The following PDPR variants were observed in gnomAD, a reference collection of about 807,000 sequenced individuals.
PDPR encodes the protein pyruvate dehydrogenase phosphatase regulatory subunit, mitochondrial.
A neutral mutation model predicts 102.2 loss-of-function variants in PDPR; 50 were observed. That is an observed-to-expected ratio of 0.49 (90% confidence interval 0.39 to 0.62). The LOEUF is 0.62. PDPR is among the 20% of genes least tolerant of loss of function. PDPR has a pLI of 0.00. For missense variants in PDPR, 625 were observed against 1,098.2 expected (o/e 0.57, Z 6.09); for synonymous variants, 259 against 406.0 (o/e 0.64, Z 4.35).
chr16:70,145,745 T>C (rs1255701780), intron 15 of PDPR: 1 of 459,194 alleles, frequency 2.2e-6, no homozygotes, highest in South Asian at 1.6e-5. Flanking sequence ...GCTTTCCTTA[T>C]CTAGTAAGCA....
intron 9 of PDPR, among the ~76,000 whole-genome samples, chr16:70,134,797 A>AAT (rs1555524705): frequency 2.2e-3 from 331 of 148,864 alleles, no homozygotes; most frequent in African/African-American, 6.9e-3. Flanking sequence ...AAAAAAAAAA[A>AAT]AATAATAATA....
rs191117183 is a variant in PDPR at position 70,119,928 on chromosome 16, T to G, written c.-32-533T>G. On this transcript the variant is annotated intron_variant, in intron 2 of 18. Coordinates refer to ENST00000288050, the MANE Select transcript of PDPR (RefSeq NM_017990.5). Reference sequence around the variant, plus strand: ...TTTTTTTTTGTTTGTTTGTTTGTTTTTTTTTTGAGACGGAGTCTCGCTCTG... The same window carrying G: ...TTTTTTTTTGTTTGTTTGTTTGTTTGTTTTTTGAGACGGAGTCTCGCTCTG... 8.4e-4 allele frequency among the ~76,000 whole-genome samples: 125 copies of G among 148,194 alleles called. 2 individuals carry two copies. Among genetic ancestry groups the G allele is most frequent in the Middle Eastern group, 3.4e-3 (1 of 294 alleles).
At chr16:70,124,220 G>C (rs1048136473) in intron 3 of PDPR, among the ~76,000 whole-genome samples, 1 of 152,246 alleles carries the variant, frequency 6.6e-6, no homozygotes, top group Non-Finnish European at 1.5e-5. Context: ...AAAATTAGCT[G>C]GGCGTGGTGG....
At chr16:70,117,237 G>A (rs557837759) in intron 2 of PDPR, among the ~76,000 whole-genome samples, 2 of 125,116 alleles carry the variant, frequency 1.6e-5, no homozygotes, top group South Asian at 2.3e-4. Flanking sequence ...ATTATTTGCC[G>A]GTCACAGTGG....
chr16:70,157,183 G>A lies in PDPR; in HGVS notation c.*304G>A. The A allele has an allele frequency of 1.6e-6, 1 of 610,808 alleles. No individual in the cohort carries two copies. The highest frequency in any genetic ancestry group is 3.0e-6 in the Non-Finnish European group (1 of 329,428). 37.8% of individuals were successfully genotyped at this position (610,808 alleles called of 1,614,324 possible). On this transcript the variant is annotated 3_prime_UTR_variant, in exon 19 of 19. Transcript: ENST00000288050. The stretch of plus-strand genomic sequence containing the variant: ...CAGAAGCAAGCTCCACTGTGGACAT[G>A]AGTGATGGTGACAGCTGCTTTCAAA...
intron 13 of PDPR, among the ~76,000 whole-genome samples, chr16:70,143,111 C>G (rs1965896765): frequency 6.6e-6 from 1 of 152,236 alleles, no homozygotes; most frequent in Admixed American, 6.5e-5. Flanking sequence ...ATCGCGTGAA[C>G]TCATGAGGTG....
chr16:70,150,913 A>G (rs1227788311), intron 17 of PDPR, among the ~76,000 whole-genome samples: 3 of 152,246 alleles, frequency 2.0e-5, no homozygotes, highest in African/African-American at 7.2e-5. Context: ...CTGAGTAGAT[A>G]GGACCACAGA....
At chr16:70,140,265 G>A (rs1252981650) in intron 11 of PDPR, among the ~76,000 whole-genome samples, 1 of 152,204 alleles carries the variant, frequency 6.6e-6, no homozygotes, top group African/African-American at 2.4e-5. Context: ...CACCTGAGCT[G>A]GGGAAGTTGA....
intron 9 of PDPR, among the ~76,000 whole-genome samples, chr16:70,135,577 T>C (rs1965043022): frequency 1.3e-5 from 2 of 152,288 alleles, no homozygotes; most frequent in South Asian, 2.1e-4. Flanking sequence ...GGCCGCCATT[T>C]AAGAGCTTTT....
At chr16:70,124,758 AGAT>A (rs1255526566) in intron 3 of PDPR, among the ~76,000 whole-genome samples, 3 of 152,230 alleles carry the variant, frequency 2.0e-5, no homozygotes, top group Non-Finnish European at 4.4e-5. Context: ...ACAGTTACAA[AGAT>A]GATAGAAAAA....
chr16:70,138,560 C>T (rs1196741296), intron 10 of PDPR, among the ~76,000 whole-genome samples: 2 of 152,118 alleles, frequency 1.3e-5, no homozygotes, highest in African/African-American at 2.4e-5. Context: ...TACTATGTTG[C>T]CCAGGCTGGT....
intron 4 of PDPR, among the ~76,000 whole-genome samples, chr16:70,128,106 T>G (rs1253178211): frequency 6.6e-6 from 1 of 152,266 alleles, no homozygotes; most frequent in Admixed American, 6.5e-5. Flanking sequence ...TGGTAGCTGA[T>G]GTTATTGTGA....
intron 3 of PDPR, among the ~76,000 whole-genome samples, chr16:70,124,311 C>G (rs1963691261): frequency 6.6e-6 from 1 of 152,258 alleles, no homozygotes; most frequent in Non-Finnish European, 1.5e-5. Flanking sequence ...TGCAGTGAGC[C>G]AAGTTTGTGC....
Position 70,160,907 on chromosome 16 carries a change from G to A in PDPR, c.*4028G>A, listed in dbSNP as rs1214751892. On this transcript the variant is annotated 3_prime_UTR_variant, in exon 19 of 19. Transcript: ENST00000288050. ...CCTCTGGCATATGGACACATTTCCT[G>A]GCATTTGCCTGAGTCTACACCACTT... 6.6e-6 allele frequency: 1 copy of A among 152,494 alleles called. No homozygotes were observed. Among genetic ancestry groups the A allele is most frequent in the Non-Finnish European group, 1.5e-5 (1 of 68,224 alleles). 9.4% of individuals were successfully genotyped at this position (152,494 alleles called of 1,614,324 possible). A position where few individuals can be genotyped will look rare whatever the true frequency, so the allele number is the denominator to read the frequency against.
intron 2 of PDPR, among the ~76,000 whole-genome samples, chr16:70,115,418 G>A (rs1169298396): frequency 6.6e-6 from 1 of 152,160 alleles, no homozygotes; most frequent in Non-Finnish European, 1.5e-5. Context: ...CACTGCGCTC[G>A]GCCAACTTGT....
At chr16:70,151,004 G>T (rs1398724243) in intron 17 of PDPR, among the ~76,000 whole-genome samples, 1 of 151,982 alleles carries the variant, frequency 6.6e-6, no homozygotes, top group Non-Finnish European at 1.5e-5. Context: ...GCATGATCTC[G>T]GCTCACTGCA....
chr16:70,124,764 T>C (rs1274058939), intron 3 of PDPR, among the ~76,000 whole-genome samples: 1 of 152,188 alleles, frequency 6.6e-6, no homozygotes, highest in African/African-American at 2.4e-5. Flanking sequence ...ACAAAGATGA[T>C]AGAAAAATCT....
At chr16:70,137,432 G>A (rs568059159) in intron 10 of PDPR, among the ~76,000 whole-genome samples, 7 of 152,362 alleles carry the variant, frequency 4.6e-5, no homozygotes, top group South Asian at 2.1e-4. Context: ...GACAAATACC[G>A]TGTGGTTCCA....
chr16:70,158,821 A>G lies in PDPR; in HGVS notation c.*1942A>G. On this transcript the variant is annotated 3_prime_UTR_variant, in exon 19 of 19. Coordinates refer to ENST00000288050, the MANE Select transcript of PDPR (RefSeq NM_017990.5). Reference sequence around the variant, plus strand: ...CAGACTTACCTCCGAAGATGGAGACAGGTGACTGAGAGCTGCAGGCCTCCT... The same window carrying G: ...CAGACTTACCTCCGAAGATGGAGACGGGTGACTGAGAGCTGCAGGCCTCCT... 6.5e-6 allele frequency: 1 copy of G among 152,862 alleles called. No homozygotes were observed. Among genetic ancestry groups the G allele is most frequent in the Non-Finnish European group, 1.5e-5 (1 of 68,360 alleles). 9.5% of individuals were successfully genotyped at this position (152,862 alleles called of 1,614,324 possible).
Sources: gnomAD v4.1 joint callset for allele counts (sites outside exome capture counted in the v4.1 genomes callset) on GRCh38, gnomAD v4.1.1 for gene constraint, MANE v1.5 for transcripts, NCBI Gene and HGNC (gene_info 2026-07-23, HGNC 2026-07-21) for gene names.